ISL1: variants seen among roughly 807,000 people sequenced by gnomAD.
The protein encoded by ISL1 is insulin gene enhancer protein ISL-1.
Under a neutral mutation model 35.3 loss-of-function variants are expected in ISL1, and 4 were observed. That is an observed-to-expected ratio of 0.11 (90% CI 0.06 to 0.26). The LOEUF (loss-of-function observed/expected upper bound fraction) is 0.26, where lower values mean the gene tolerates loss of function less well. Among genes scored for constraint, ISL1 ranks in the 10% least tolerant of loss-of-function variants. The probability of loss-of-function intolerance (pLI) is 1.00; values close to 1 mark genes in which losing one functional copy is unlikely to be tolerated. For synonymous variants in ISL1, 186 were observed against 172.3 expected (o/e 1.08, Z -0.62); for missense variants, 340 against 472.8 (o/e 0.72, Z 2.60).
intron 4 of ISL1, 120 bp downstream of exon 4, chr5:51,390,052 C>T: frequency 3.3e-6 from 4 of 1,212,878 alleles, no homozygotes; most frequent in South Asian, 2.9e-5. Context: ...GGAGTTTGGC[C>T]GGGGCTGCCC....
chr5:51,384,224 A>G (rs1747282906), intron 1 of ISL1, among the ~76,000 whole-genome samples: 1 of 131,984 alleles, frequency 7.6e-6, no homozygotes, highest in Admixed American at 7.7e-5. Flanking sequence ...ATCTTTCCCA[A>G]TGATTATAGC....
intron 5 of ISL1, 59 bp downstream of exon 5, chr5:51,391,500 C>T (rs752672486): frequency 6.3e-6 from 10 of 1,587,022 alleles, no homozygotes; most frequent in Non-Finnish European, 8.6e-6. Context: ...TCTGGTTTAA[C>T]TGTCACACAT....
chr5:51,393,399 C>T, intron 5 of ISL1, 95 bp from the exon 6 acceptor site: 2 of 791,250 alleles, frequency 2.5e-6, no homozygotes, highest in Non-Finnish European at 4.5e-6. Flanking sequence ...TATCTATCTA[C>T]ACAAACATTT....
intron 4 of ISL1, among the ~76,000 whole-genome samples, chr5:51,390,642 C>CTTTCTTTTTTTTTT (rs1747483445): frequency 5.0e-5 from 2 of 40,204 alleles, no homozygotes; most frequent in Non-Finnish European, 9.4e-5. Context: ...CTTTCTTTTT[C>CTTTCTTTTTTTTTT]TTTTTTTTTT....
In ISL1 at chr5:51,389,632, T is replaced by A; in HGVS notation, c.479-14T>A. ...GCCTCCAGCCCAGCGCTCACGGCGCTCCTTGCCCCGCAGCGGAGCCCATCT... is the reference window on the plus strand; with the variant it reads ...GCCTCCAGCCCAGCGCTCACGGCGCACCTTGCCCCGCAGCGGAGCCCATCT... On this transcript the variant is annotated splice_polypyrimidine_tract_variant and intron_variant, in intron 3 of 5. Transcript: ENST00000230658. The surrounding 1 kb of genome is among the most constrained non-coding windows in gnomAD (Gnocchi z 5.0). The A allele has an allele frequency of 6.2e-7, 1 of 1,602,884 alleles. No individual in the cohort carries two copies. Among genetic ancestry groups the A allele is most frequent in the Non-Finnish European group, 8.5e-7 (1 of 1,177,922 alleles).
chr5:51,385,854 T>C (rs1747330790), intron 2 of ISL1, among the ~76,000 whole-genome samples: 1 of 152,204 alleles, frequency 6.6e-6, no homozygotes. Context: ...TTGAGAACTT[T>C]TATTAAAGTT....
rs1345070036 is a variant in ISL1 at position 51,383,610 on chromosome 5, G to T, written c.-62G>T. On this transcript the variant is annotated 5_prime_UTR_variant, in exon 1 of 6. Transcript: ENST00000230658. ...TAGCCACAGCTCCAGCATCCTCTCT[G>T]TGGGCTGTTCACCAACTGTACAACC... The T allele has an allele frequency of 1.3e-5, 18 of 1,357,174 alleles. No homozygotes were observed. The highest frequency in any genetic ancestry group is 1.7e-5 in the Non-Finnish European group (16 of 945,456). The allele number at this position is 1,357,174 out of a possible 1,614,324, so 84.1% of individuals were successfully genotyped here.
chr5:51,385,629 A>T (rs549169091), intron 2 of ISL1, among the ~76,000 whole-genome samples: 4 of 151,820 alleles, frequency 2.6e-5, no homozygotes, highest in African/African-American at 9.7e-5. Flanking sequence ...GCTAATCTCA[A>T]GTTTCCTCTG....
chr5:51,388,333 A>G (rs1239948613), intron 3 of ISL1, among the ~76,000 whole-genome samples: 1 of 152,208 alleles, frequency 6.6e-6, no homozygotes, highest in African/African-American at 2.4e-5. Context: ...CAGAGTTGTA[A>G]TATAAAACTG....
intron 5 of ISL1, among the ~76,000 whole-genome samples, chr5:51,392,117 T>C (rs1479073023): frequency 2.0e-5 from 3 of 152,174 alleles, no homozygotes; most frequent in Non-Finnish European, 2.9e-5. Flanking sequence ...GTGTGTACCA[T>C]GTATAGCAAA....
Position 51,393,761 on chromosome 5 carries a change from C to A in ISL1, c.*151C>A, listed in dbSNP as rs1294395910. 4 of 692,916 alleles carry A rather than the reference C, an allele frequency of 5.8e-6. No individual in the cohort carries two copies. The highest frequency in any genetic ancestry group is 4.7e-5 in the South Asian group (3 of 63,702). The allele number at this position is 692,916 out of a possible 1,614,324, so 42.9% of individuals were successfully genotyped here. On this transcript the variant is annotated 3_prime_UTR_variant, in exon 6 of 6. Transcript: ENST00000230658. ...AAATGCACGAAGTCTGTTTTAATGA[C>A]AAGGTGATATGGTAGCAACACTGTG...
Position 51,391,291 on chromosome 5 carries a change from A to G in ISL1, c.783A>G (p.Thr261=), listed in dbSNP as rs753782191. 1.2e-6 allele frequency: 2 copies of G among 1,612,802 alleles called. No homozygotes were observed. The highest frequency in any genetic ancestry group is 1.1e-5 in the South Asian group (1 of 90,996). ...PNDKTNIQGM[T]GTPMVAASPE... ...ATTCACAGAATATCCAGGGGATGAC[A>G]GGAACTCCCATGGTGGCTGCCAGTC... The change falls in exon 5 of 6, where the codon ACA becomes ACG. Residue 261 remains threonine (T), a synonymous_variant. Coordinates refer to ENST00000230658, the MANE Select transcript of ISL1 (RefSeq NM_002202.3).
At chr5:51,390,265 A>G (rs1488286574) in intron 4 of ISL1, among the ~76,000 whole-genome samples, 1 of 152,176 alleles carries the variant, frequency 6.6e-6, no homozygotes, top group Non-Finnish European at 1.5e-5. Flanking sequence ...GCAGGCGGCA[A>G]CGAGGTTTGG....
At chr5:51,384,101 C>A (rs1035286639) in intron 1 of ISL1, among the ~76,000 whole-genome samples, 1 of 152,156 alleles carries the variant, frequency 6.6e-6, no homozygotes, top group Non-Finnish European at 1.5e-5. Context: ...CTCTTGCTAA[C>A]AATATCCAGT....
chr5:51,387,426 A>G lies in ISL1; in HGVS notation c.219-64A>G. Reference sequence around the variant, plus strand: ...GCCAGGGAAGTGCCGGCCTGAAGTGACCCCCTCTTCCTGTACTTCTCTCCC... The same window carrying G: ...GCCAGGGAAGTGCCGGCCTGAAGTGGCCCCCTCTTCCTGTACTTCTCTCCC... On this transcript the variant is annotated intron_variant, in intron 2 of 5. Transcript: ENST00000230658. This position sits in a 1 kb window ranked among gnomAD's most constrained non-coding sequence, Gnocchi z 4.3. The G allele has an allele frequency of 6.4e-7, 1 of 1,571,276 alleles. No individual in the cohort carries two copies. The highest frequency in any genetic ancestry group is 2.3e-5 in the East Asian group (1 of 43,342).
chr5:51,393,818 C>A lies in ISL1; in HGVS notation c.*208C>A. The A allele has an allele frequency of 1.7e-6, 1 of 604,842 alleles. No individual in the cohort carries two copies. The allele number at this position is 604,842 out of a possible 1,614,324, so 37.5% of individuals were successfully genotyped here. ...ATCATGGGATTTTACTAGAATTAAACAACAAACAAAACGCAAAACCCAGTA... is the reference window on the plus strand; with the variant it reads ...ATCATGGGATTTTACTAGAATTAAAAAACAAACAAAACGCAAAACCCAGTA... On this transcript the variant is annotated 3_prime_UTR_variant, in exon 6 of 6. Coordinates refer to ENST00000230658, the MANE Select transcript of ISL1 (RefSeq NM_002202.3).
intron 2 of ISL1, chr5:51,386,518 C>G (rs1747346463): frequency 2.2e-6 from 1 of 451,154 alleles, no homozygotes; most frequent in Non-Finnish European, 4.4e-6. Context: ...TTTCCTCTCT[C>G]TTCCATTCTT....
rs761507339 is a variant in ISL1, at chr5:51,391,357, A to C, written c.849A>C (p.Glu283Asp). 6.2e-7 allele frequency: 1 copy of C among 1,614,036 alleles called. No homozygotes were observed. The highest frequency in any genetic ancestry group is 1.3e-5 in the African/African-American group (1 of 74,928). The change falls in exon 5 of 6, where the codon GAA becomes GAC. Residue 283 changes from glutamate (E) to aspartate (D), a missense_variant. By Grantham distance (45) the Glu-to-Asp change is conservative. This residue lies in a region of ISL1 where 104 missense variants were observed against 97.3 expected (regional missense o/e 1.07). Transcript: ENST00000230658. ...GTGGCTTACAGGCTAACCCAGTGGA[A>C]GTACAAAGTTACCAGCCACCTTGGA... The part of the protein sequence containing the change: ...HDGGLQANPV[E>D]VQSYQPPWKV...
chr5:51,390,642 C>CTTTTTTTTTTTTTTT lies in ISL1; in HGVS notation c.766-608_766-594dup, dbSNP rs57707586. Among the ~76,000 whole-genome samples the CTTTTTTTTTTTTTTT allele has an allele frequency of 1.8e-3, 73 of 40,146 alleles. 4 individuals carry two copies. Among genetic ancestry groups the CTTTTTTTTTTTTTTT allele is most frequent in the African/African-American group, 2.3e-3 (23 of 9,974 alleles). 26.3% of individuals were successfully genotyped at this position (40,146 alleles called of 152,430 possible). A position where few individuals can be genotyped will look rare whatever the true frequency, so the allele number is the denominator to read the frequency against. ...TCCTTTTTTTCTTTTCTTTCTTTTT[C>CTTTTTTTTTTTTTTT]TTTTTTTTTTTTTTTTTTTTTTTTT... On this transcript the variant is annotated intron_variant, in intron 4 of 5. Transcript: ENST00000230658.
Sources: allele counts gnomAD v4.1 joint callset (sites outside exome capture counted in the v4.1 genomes callset), GRCh38; gene constraint gnomAD v4.1.1; regional missense constraint gnomAD v4.1.1; non-coding constraint Gnocchi (gnomAD v3.1); transcripts MANE v1.5; gene names NCBI Gene and HGNC (gene_info 2026-07-23, HGNC 2026-07-21).